The following CDH17 variants were observed in gnomAD, a reference collection of about 807,000 sequenced individuals.
CDH17 encodes cadherin-17.
A neutral mutation model predicts 86.3 loss-of-function variants in CDH17; 67 were observed. The ratio of observed to expected loss-of-function variants is 0.78; its 90% confidence interval spans 0.64 to 0.95. The LOEUF (loss-of-function observed/expected upper bound fraction) is 0.95. Among genes scored for constraint, CDH17 ranks in the 40% least tolerant of loss-of-function variants. The probability of loss-of-function intolerance (pLI) is 0.00; values close to 1 mark genes in which losing one functional copy is unlikely to be tolerated. For missense variants in CDH17, 993 were observed against 1,017.6 expected (o/e 0.98, Z 0.33); for synonymous variants, 367 against 366.4 (o/e 1.00, Z -0.02).
chr8:94,139,074 G>T (rs992921035), intron 15 of CDH17, among the ~76,000 whole-genome samples: 1 of 152,070 alleles, frequency 6.6e-6, no homozygotes, highest in Admixed American at 6.5e-5. Flanking sequence ...AGTGGGAAAA[G>T]ACATGAAAAC....
chr8:94,189,433 GT>G, intron 2 of CDH17, 148 bp from the exon 3 acceptor site: 1 of 614,376 alleles, frequency 1.6e-6, no homozygotes. Context: ...TGTAATAGCT[GT>G]TGAAGCTCTA....
intron 15 of CDH17, among the ~76,000 whole-genome samples, chr8:94,141,610 C>A (rs1267792257): frequency 6.6e-6 from 1 of 151,990 alleles, no homozygotes; most frequent in Non-Finnish European, 1.5e-5. Context: ...CATTATATTC[C>A]TATATCTAGA....
chr8:94,145,388 T>TA (rs1812721434), intron 15 of CDH17, among the ~76,000 whole-genome samples: 1 of 152,146 alleles, frequency 6.6e-6, no homozygotes, highest in African/African-American at 2.4e-5. Context: ...ATACATACTA[T>TA]ACTATTCTAT....
intron 6 of CDH17, 34 bp from the exon 7 acceptor site, chr8:94,174,030 G>A (rs1403917952): frequency 6.2e-7 from 1 of 1,609,238 alleles, no homozygotes. Context: ...AATAGGAAGT[G>A]TCTCTGGAAG....
chr8:94,169,892 T>C (rs961583228), intron 9 of CDH17, among the ~76,000 whole-genome samples: 2 of 152,290 alleles, frequency 1.3e-5, no homozygotes, highest in South Asian at 4.1e-4. Context: ...CCTCTTGAAT[T>C]ATATTATCAG....
chr8:94,151,177 C>A (rs1263560291), intron 13 of CDH17, among the ~76,000 whole-genome samples: 3 of 152,150 alleles, frequency 2.0e-5, no homozygotes, highest in Admixed American at 1.3e-4. Context: ...CAAGTCTTAA[C>A]TACATGATCT....
rs1241074899 is a variant in CDH17 at position 94,184,620 on chromosome 8, A to C, written c.150+4567T>G. ...ATTAATAGGCATAGGATTTCTCTGGAGGCTGATGGAAATGTTCTGTAATTA... is the reference window on the plus strand; with the variant it reads ...ATTAATAGGCATAGGATTTCTCTGGCGGCTGATGGAAATGTTCTGTAATTA... On this transcript the variant is annotated intron_variant, in intron 3 of 17. Transcript: ENST00000027335. Among the ~76,000 whole-genome samples, 5 of 152,112 alleles carry C rather than the reference A, an allele frequency of 3.3e-5. No individual in the cohort carries two copies. In the East Asian group the frequency reaches 9.6e-4, roughly 29 times the overall value.
At chr8:94,209,158 C>T (rs991203326), upstream of CDH17, among the ~76,000 whole-genome samples, 25 of 152,044 alleles carry the variant, frequency 1.6e-4, no homozygotes, top group African/African-American at 6.0e-4. Flanking sequence ...CTTTTTTCCC[C>T]CCCACAATTC....
At chr8:94,172,723 G>A (rs1340235332) in intron 7 of CDH17, among the ~76,000 whole-genome samples, 2 of 152,058 alleles carry the variant, frequency 1.3e-5, no homozygotes, top group Non-Finnish European at 1.5e-5. Context: ...GAATTTCCTG[G>A]GCTTCCAGAA....
At chr8:94,131,022 A>G (rs1237651250) in intron 15 of CDH17, 30 bp from the exon 16 acceptor site, 1 of 1,088,870 alleles carries the variant, frequency 9.2e-7, no homozygotes, top group Admixed American at 1.8e-5. Context: ...AAATGAAAAT[A>G]CAACTTCAGA....
chr8:94,133,774 A>G (rs4735273), intron 15 of CDH17, among the ~76,000 whole-genome samples: 84,723 of 152,006 alleles, frequency 0.56, 24,557 homozygotes, highest in Non-Finnish European at 0.63. Context: ...TACCCATTCA[A>G]TATGATATTG....
intron 7 of CDH17, among the ~76,000 whole-genome samples, chr8:94,172,650 T>A (rs1347616391): frequency 6.6e-6 from 1 of 152,184 alleles, no homozygotes; most frequent in South Asian, 2.1e-4. Flanking sequence ...AACAGGAATA[T>A]GATTTTGTTC....
chr8:94,206,393 C>T (rs1814027472), intron 1 of CDH17, among the ~76,000 whole-genome samples: 1 of 152,134 alleles, frequency 6.6e-6, no homozygotes, highest in South Asian at 2.1e-4. Context: ...AATCTGATAC[C>T]AGAGATTTCT....
At chr8:94,193,714 G>A (rs1275157149) in intron 2 of CDH17, among the ~76,000 whole-genome samples, 1 of 152,132 alleles carries the variant, frequency 6.6e-6, no homozygotes, top group South Asian at 2.1e-4. Context: ...CTGGAGACAG[G>A]CTTTGAGCCT....
At chr8:94,166,727 A>G (rs1259093633) in intron 9 of CDH17, among the ~76,000 whole-genome samples, 1 of 152,188 alleles carries the variant, frequency 6.6e-6, no homozygotes, top group Non-Finnish European at 1.5e-5. Flanking sequence ...AAATTCAGTG[A>G]CAGGTGCCCC....
intron 7 of CDH17, among the ~76,000 whole-genome samples, chr8:94,171,709 G>A (rs376636506): frequency 2.0e-5 from 3 of 152,056 alleles, no homozygotes; most frequent in East Asian, 1.9e-4. Context: ...GTCCTCTGAC[G>A]TACAGACTAC....
At chr8:94,137,908 G>A (rs1812562692) in intron 15 of CDH17, among the ~76,000 whole-genome samples, 1 of 152,162 alleles carries the variant, frequency 6.6e-6, no homozygotes, top group East Asian at 1.9e-4. Flanking sequence ...AGATTGGAGA[G>A]TACCTGGGAC....
At chr8:94,133,086 G>A (rs1812451480) in intron 15 of CDH17, among the ~76,000 whole-genome samples, 1 of 152,172 alleles carries the variant, frequency 6.6e-6, no homozygotes, top group African/African-American at 2.4e-5. Context: ...AGTATAGTTT[G>A]AAGTCAGGTA....
At position 94,170,386 on chromosome 8, in the gene CDH17, T is replaced by C. The variant is rs1391345015; in HGVS notation, c.1066+11A>G. Reference sequence around the variant, plus strand: ...GCAGTTACACAGCATTAGGCAGCTCTCATTTCTTACCCAGTCGTTCATTCT... The same window carrying C: ...GCAGTTACACAGCATTAGGCAGCTCCCATTTCTTACCCAGTCGTTCATTCT... On this transcript the variant is annotated intron_variant, in intron 9 of 17. Coordinates refer to ENST00000027335, the MANE Select transcript of CDH17 (RefSeq NM_004063.4). The C allele has an allele frequency of 6.2e-7, 1 of 1,613,222 alleles. No homozygotes were observed. The highest frequency in any genetic ancestry group is 1.1e-5 in the South Asian group (1 of 90,920).
Sources: gnomAD v4.1 joint callset for allele counts (sites outside exome capture counted in the v4.1 genomes callset) on GRCh38, gnomAD v4.1.1 for gene constraint, MANE v1.5 for transcripts, NCBI Gene and HGNC (gene_info 2026-07-23, HGNC 2026-07-21) for gene names.